Variants in TASP1 observed in about 807,000 individuals in gnomAD.
TASP1 encodes the protein threonine aspartase 1.
Under a neutral mutation model 56.6 loss-of-function variants are expected in TASP1, and 16 were observed. The observed-to-expected ratio is 0.28, with a 90% CI of 0.19 to 0.43. TASP1 has a LOEUF of 0.43. Ranked by LOEUF, TASP1 falls within the 20% of genes least tolerant of loss-of-function variation. The probability of loss-of-function intolerance (pLI) is 1.00; values close to 1 mark genes in which losing one functional copy is unlikely to be tolerated. For synonymous variants in TASP1, 179 were observed against 184.2 expected (o/e 0.97, Z 0.23); for missense variants, 393 against 511.6 (o/e 0.77, Z 2.24).
chr20:13,300,768 T>C, the TASP1 span: 1 of 152,222 alleles, frequency 6.6e-6, no homozygotes, highest in Non-Finnish European at 1.5e-5. Context: ...CATTCATTGA[T>C]TGACATGATT....
At chr20:13,428,209 T>C (rs73901162) in intron 12 of TASP1, among the ~76,000 whole-genome samples, 4,400 of 152,262 alleles carry the variant, frequency 0.029, 211 homozygotes, top group African/African-American at 0.098. Context: ...TTGAACTTCA[T>C]AGGGTCTATC....
At chr20:13,410,533 A>G (rs1360499897) in intron 13 of TASP1, among the ~76,000 whole-genome samples, 1 of 152,184 alleles carries the variant, frequency 6.6e-6, no homozygotes, top group Non-Finnish European at 1.5e-5. Flanking sequence ...AAGTGGGGTA[A>G]GATAATATCT....
chr20:13,149,119 T>C, the TASP1 span, among the ~76,000 whole-genome samples: 1 of 152,164 alleles, frequency 6.6e-6, no homozygotes, highest in Non-Finnish European at 1.5e-5. Flanking sequence ...ACAAAATAAA[T>C]ACTTACGGAA....
At chr20:13,117,439 T>C in the TASP1 span, 2 of 1,417,408 alleles carry the variant, frequency 1.4e-6, no homozygotes, top group Non-Finnish European at 1.9e-6. Flanking sequence ...GATGTATTGA[T>C]GGGGAAACTG....
the TASP1 span, among the ~76,000 whole-genome samples, chr20:13,152,989 C>T: frequency 9.8e-5 from 15 of 152,336 alleles, no homozygotes; most frequent in Admixed American, 4.6e-4. Flanking sequence ...TTCGTCTGAA[C>T]ATCTCACCAC....
Position 13,540,788 on chromosome 20 carries a change from T to C in TASP1, c.676-6647A>G, listed in dbSNP as rs950398788. 1.4e-4 allele frequency among the ~76,000 whole-genome samples: 21 copies of C among 152,178 alleles called. 1 individual carries two copies. Among genetic ancestry groups the C allele is most frequent in the Admixed American group, 5.9e-4 (9 of 15,278 alleles). On this transcript the variant is annotated intron_variant, in intron 8 of 13. Transcript: ENST00000337743. ...AATATTCTATATTTTGATAGGAGTA[T>C]TGGTTACATGGTTATATACACATGT...
chr20:13,531,654 G>C (rs971241990), intron 9 of TASP1, among the ~76,000 whole-genome samples: 1 of 151,682 alleles, frequency 6.6e-6, no homozygotes, highest in African/African-American at 2.4e-5. Context: ...ATCATGCTCA[G>C]ATAATTTTTG....
chr20:13,606,668 G>A (rs1260303481), intron 4 of TASP1, among the ~76,000 whole-genome samples: 2 of 152,006 alleles, frequency 1.3e-5, no homozygotes, highest in Non-Finnish European at 1.5e-5. Context: ...TTAGCTGGGC[G>A]TGGTAGTGGG....
chr20:13,565,787 T>C (rs905777835), intron 7 of TASP1, among the ~76,000 whole-genome samples: 4 of 152,218 alleles, frequency 2.6e-5, no homozygotes, highest in East Asian at 1.9e-4. Flanking sequence ...ACAGACAATA[T>C]GGTGGCTTCT....
chr20:13,359,968 A>G, the TASP1 span, among the ~76,000 whole-genome samples: 13 of 151,344 alleles, frequency 8.6e-5, no homozygotes, highest in African/African-American at 3.1e-4. Context: ...CCTGCAGCAC[A>G]CTTGCCTGTT....
At chr20:13,628,921 A>G (rs1189397399) in intron 2 of TASP1, among the ~76,000 whole-genome samples, 1 of 152,222 alleles carries the variant, frequency 6.6e-6, no homozygotes. Context: ...TGAAGTAGAA[A>G]GATCACAGGC....
At chr20:13,232,292 C>T in the TASP1 span, among the ~76,000 whole-genome samples, 1 of 152,178 alleles carries the variant, frequency 6.6e-6, no homozygotes, top group South Asian at 2.1e-4. Context: ...TGAAAAGTTT[C>T]CTTGTGCTCC....
chr20:13,547,561 A>G (rs1431700030), intron 8 of TASP1, among the ~76,000 whole-genome samples: 1 of 152,204 alleles, frequency 6.6e-6, no homozygotes, highest in Admixed American at 6.6e-5. Flanking sequence ...ATTCAGCTTA[A>G]AAGTTTGGGT....
the TASP1 span, among the ~76,000 whole-genome samples, chr20:13,349,434 CACCAAA>C: frequency 6.6e-6 from 1 of 152,164 alleles, no homozygotes; most frequent in South Asian, 2.1e-4. Context: ...AGGACTGAGT[CACCAAA>C]ACCACTCTTC....
chr20:13,415,702 T>A (rs924077363), intron 13 of TASP1, among the ~76,000 whole-genome samples: 1 of 152,258 alleles, frequency 6.6e-6, no homozygotes, highest in East Asian at 1.9e-4. Context: ...CTACACTCTT[T>A]CCTACCTATA....
At chr20:13,376,391 G>C in the TASP1 span, among the ~76,000 whole-genome samples, 2 of 152,138 alleles carry the variant, frequency 1.3e-5, no homozygotes, top group Non-Finnish European at 2.9e-5. Context: ...TTGTAGATGT[G>C]TGGCATTATT....
chr20:13,284,462 A>G, the TASP1 span, among the ~76,000 whole-genome samples: 1 of 152,168 alleles, frequency 6.6e-6, no homozygotes, highest in Non-Finnish European at 1.5e-5. Flanking sequence ...TGCCGTTGTC[A>G]TTATCTTTGT....
the TASP1 span, among the ~76,000 whole-genome samples, chr20:13,268,887 C>A: frequency 6.6e-6 from 1 of 152,152 alleles, no homozygotes; most frequent in Non-Finnish European, 1.5e-5. Context: ...GCACTCCAGC[C>A]TGGGCAACAG....
chr20:13,207,711 C>G, the TASP1 span, among the ~76,000 whole-genome samples: 2 of 152,118 alleles, frequency 1.3e-5, no homozygotes, highest in Non-Finnish European at 2.9e-5. Flanking sequence ...TGATGCCTAC[C>G]TACATTGGGG....
Sources: allele counts gnomAD v4.1 joint callset (sites outside exome capture counted in the v4.1 genomes callset), GRCh38; gene constraint gnomAD v4.1.1; transcripts MANE v1.5; gene names NCBI Gene and HGNC (gene_info 2026-07-23, HGNC 2026-07-21).